Variants in MTMR8 observed in about 807,000 individuals in gnomAD.
The protein encoded by MTMR8 is phosphatidylinositol-3,5-bisphosphate 3-phosphatase MTMR8.
A neutral mutation model predicts 39.3 loss-of-function variants in MTMR8; 65 were observed. The observed-to-expected ratio is 1.65, with a 90% confidence interval of 1.35 to 2.03. The LOEUF (loss-of-function observed/expected upper bound fraction) is 2.03, where lower values mean the gene tolerates loss of function less well. Ranked by LOEUF, MTMR8 falls within the 30% of genes most tolerant of loss-of-function variation. The pLI is 0.00. For synonymous variants in MTMR8, 245 were observed against 185.2 expected (o/e 1.32, Z -2.62); for missense variants, 777 against 538.9 (o/e 1.44, Z -4.37).
At chrX:64,341,492 A>AG (rs1260834531) in intron 8 of MTMR8, among the ~76,000 whole-genome samples, 1 of 109,271 alleles carries the variant, frequency 9.2e-6, no homozygotes, top group African/African-American at 3.3e-5. Flanking sequence ...AAAAAAAAAA[A>AG]AAAAAAAAAA....
intron 12 of MTMR8, among the ~76,000 whole-genome samples, chrX:64,283,252 T>A (rs1484390510): frequency 8.9e-6 from 1 of 111,751 alleles, no homozygotes; most frequent in Non-Finnish European, 1.9e-5. Context: ...GAGATGGAAC[T>A]GCAAGGCAGC....
rs748753315 is a variant in MTMR8 at position 64,270,961 on chromosome X, G to A, written c.1594C>T (p.His532Tyr). ...TTTCTCCTCACCTTTTCTAGTTCAT[G>A]CACATCTGTCTCCAGCATTGCTCTC... ...KQRAMLETDV[H>Y]ELEKKLKVRD... is the part of the protein sequence containing the mutation. The change falls in exon 13 of 14, where the codon CAT (histidine) becomes TAT (tyrosine). Residue 532 changes from histidine to tyrosine, a missense_variant. Physicochemically the swap from His to Tyr is moderately conservative, Grantham distance 83. Transcript: ENST00000374852. 1.7e-6 allele frequency: 2 copies of A among 1,207,313 alleles called. No homozygotes were observed. The highest frequency in any genetic ancestry group is 3.5e-5 in the African/African-American group (2 of 56,897).
At chrX:64,293,412 T>C (rs752033527) in intron 12 of MTMR8, among the ~76,000 whole-genome samples, 1 of 111,288 alleles carries the variant, frequency 9.0e-6, no homozygotes, top group South Asian at 3.8e-4. Flanking sequence ...GAACCCTGAG[T>C]AAACAAAAGG....
At chrX:64,294,088 T>C (rs1921487618) in intron 12 of MTMR8, among the ~76,000 whole-genome samples, 1 of 111,876 alleles carries the variant, frequency 8.9e-6, no homozygotes, top group Non-Finnish European at 1.9e-5. Flanking sequence ...TACTGATTCT[T>C]ACCATCTCAC....
chrX:64,346,349 A>G (rs921551407), intron 6 of MTMR8, among the ~76,000 whole-genome samples: 5 of 111,311 alleles, frequency 4.5e-5, no homozygotes, highest in African/African-American at 1.3e-4. Flanking sequence ...TCAGTGTGCT[A>G]AACATATTCT....
chrX:64,274,017 G>A (rs1409861891), intron 12 of MTMR8, among the ~76,000 whole-genome samples: 1 of 111,594 alleles, frequency 9.0e-6, no homozygotes, highest in Non-Finnish European at 1.9e-5. Flanking sequence ...AGATTACTTC[G>A]ATACTCTACT....
chrX:64,315,215 G>A (rs1459078161), intron 12 of MTMR8, among the ~76,000 whole-genome samples: 1 of 112,036 alleles, frequency 8.9e-6, no homozygotes, highest in Non-Finnish European at 1.9e-5. Context: ...TCTCCTGCCA[G>A]GATTCCAGAG....
chrX:64,351,514 T>C (rs777173139), intron 4 of MTMR8, among the ~76,000 whole-genome samples: 1 of 111,143 alleles, frequency 9.0e-6, no homozygotes, highest in Non-Finnish European at 1.9e-5. Context: ...GATATATGTA[T>C]ATAGGAAAGG....
At chrX:64,323,368 C>A (rs748739323) in intron 12 of MTMR8, among the ~76,000 whole-genome samples, 5 of 111,385 alleles carry the variant, frequency 4.5e-5, no homozygotes, top group African/African-American at 1.6e-4. Context: ...CAAGATGATA[C>A]GAAAAATTTT....
chrX:64,320,637 G>T (rs1309696906), intron 12 of MTMR8, among the ~76,000 whole-genome samples: 2 of 109,716 alleles, frequency 1.8e-5, no homozygotes, highest in African/African-American at 6.7e-5. Context: ...AGAATAAAAA[G>T]CCTGGGAAGG....
intron 6 of MTMR8, among the ~76,000 whole-genome samples, chrX:64,346,924 T>C (rs1226002794): frequency 9.0e-6 from 1 of 111,507 alleles, no homozygotes; most frequent in Non-Finnish European, 1.9e-5. Context: ...TGAGCTCCTA[T>C]TATATGCCTG....
chrX:64,292,011 G>T (rs1356530136), intron 12 of MTMR8, among the ~76,000 whole-genome samples: 1 of 111,881 alleles, frequency 8.9e-6, no homozygotes, highest in Non-Finnish European at 1.9e-5. Context: ...TGGACCACAT[G>T]TGGGTTACCC....
intron 12 of MTMR8, among the ~76,000 whole-genome samples, chrX:64,319,348 T>C (rs756027625): frequency 8.9e-6 from 1 of 112,742 alleles, no homozygotes; most frequent in Non-Finnish European, 1.9e-5. Flanking sequence ...TCCCATTCTG[T>C]ATGTTGCCTG....
rs1389820788 is a variant in MTMR8, at chrX:64,355,793, C to T, written c.310+383G>A. Among the ~76,000 whole-genome samples the T allele has an allele frequency of 6.3e-5, 7 of 110,667 alleles. No homozygotes were observed. The East Asian group carries it at 2.0e-3, about 32-fold the overall frequency. On this transcript the variant is annotated intron_variant, in intron 3 of 13. Transcript: ENST00000374852. Reference sequence around the variant, plus strand: ...TAAAAGTAGGGGTGGAAATCGTGGGCCAAACAAAAAGTCTGCAGGACAGCA... The same window carrying T: ...TAAAAGTAGGGGTGGAAATCGTGGGTCAAACAAAAAGTCTGCAGGACAGCA...
intron 1 of MTMR8, among the ~76,000 whole-genome samples, 159 bp downstream of exon 1, chrX:64,395,181 G>A (rs1283261770): frequency 9.0e-6 from 1 of 111,228 alleles, no homozygotes; most frequent in Non-Finnish European, 1.9e-5. Flanking sequence ...AGAGGTGTTT[G>A]GTTGAAAGGG....
chrX:64,293,435 C>A (rs2147193188), intron 12 of MTMR8, among the ~76,000 whole-genome samples: 1 of 111,353 alleles, frequency 9.0e-6, no homozygotes, highest in South Asian at 3.8e-4. Flanking sequence ...TTACATTGGA[C>A]CCTAAGGGAC....
chrX:64,342,650 G>A (rs1197325433), intron 8 of MTMR8, among the ~76,000 whole-genome samples: 1 of 112,033 alleles, frequency 8.9e-6, no homozygotes, highest in Non-Finnish European at 1.9e-5. Flanking sequence ...GGGTCACATA[G>A]TGAACATCAA....
intron 6 of MTMR8, 99 bp downstream of exon 6, chrX:64,348,561 C>A: frequency 5.8e-6 from 6 of 1,039,014 alleles, no homozygotes; most frequent in Non-Finnish European, 7.9e-6. Flanking sequence ...AACACACATA[C>A]ACAAACCTAA....
At chrX:64,384,003 A>C (rs1051225945) in intron 1 of MTMR8, among the ~76,000 whole-genome samples, 5 of 111,925 alleles carry the variant, frequency 4.5e-5, no homozygotes, top group Admixed American at 1.9e-4. Context: ...AAAATCAAAA[A>C]CAAGTTAGCT....
Sources: allele counts gnomAD v4.1 joint callset (sites outside exome capture counted in the v4.1 genomes callset), GRCh38; gene constraint gnomAD v4.1.1; transcripts MANE v1.5; gene names NCBI Gene and HGNC (gene_info 2026-07-23, HGNC 2026-07-21).